Variants in XPO7 observed in about 807,000 individuals in gnomAD.
The protein encoded by XPO7 is exportin-7.
XPO7 carries 21 observed loss-of-function variants against 144.3 expected under a neutral mutation model. The observed-to-expected ratio is 0.15, with a 90% CI of 0.10 to 0.21. The LOEUF is 0.21. Ranked by LOEUF, XPO7 falls within the 10% of genes least tolerant of loss-of-function variation. The pLI is 1.00. For synonymous variants in XPO7, 580 were observed against 499.6 expected, an observed-to-expected ratio of 1.16 and a Z score of -2.15; for missense variants, 808 against 1,325.8, an observed-to-expected ratio of 0.61 and a Z score of 6.06.
intron 11 of XPO7, among the ~76,000 whole-genome samples, chr8:21,983,521 G>C (rs1812472177): frequency 6.6e-6 from 1 of 152,154 alleles, no homozygotes; most frequent in Non-Finnish European, 1.5e-5. Flanking sequence ...ATGAGTTATA[G>C]TCTTAACTGT....
chr8:21,961,412 C>G (rs530660048), intron 1 of XPO7, among the ~76,000 whole-genome samples: 1 of 151,880 alleles, frequency 6.6e-6, no homozygotes, highest in Non-Finnish European at 1.5e-5. Flanking sequence ...GGCGGAGTCT[C>G]CCTATATTGC....
intron 25 of XPO7, 34 bp from the exon 26 acceptor site, chr8:22,003,185 G>T: frequency 1.3e-6 from 2 of 1,549,180 alleles, no homozygotes; most frequent in Non-Finnish European, 1.8e-6. Flanking sequence ...CAATACATTA[G>T]GTCACTGCCT....
At chr8:21,948,539 C>T (rs978832270) in intron 1 of XPO7, among the ~76,000 whole-genome samples, 22 of 152,194 alleles carry the variant, frequency 1.4e-4, no homozygotes, top group Middle Eastern at 3.4e-3. Context: ...CCATCGATAA[C>T]GCAAGGCATG....
intron 1 of XPO7, among the ~76,000 whole-genome samples, chr8:21,950,003 G>A (rs1359776625): frequency 6.6e-6 from 1 of 152,234 alleles, no homozygotes; most frequent in Non-Finnish European, 1.5e-5. Context: ...GGGATTACAG[G>A]TGTGACACAC....
chr8:21,979,246 T>C (rs756160499), intron 8 of XPO7, among the ~76,000 whole-genome samples: 22 of 151,796 alleles, frequency 1.4e-4, no homozygotes, highest in Non-Finnish European at 2.6e-4. Context: ...GGTTTCTCCA[T>C]GTTGGTCAGG....
At chr8:21,979,463 A>C (rs906353998) in intron 8 of XPO7, among the ~76,000 whole-genome samples, 3 of 142,226 alleles carry the variant, frequency 2.1e-5, no homozygotes, top group Non-Finnish European at 4.5e-5. Context: ...GCTGGAGTGC[A>C]GTGGCGCGAT....
At position 21,919,745 on chromosome 8, in the gene XPO7, C is replaced by T. The variant is rs1810198921; in HGVS notation, c.-26C>T. ...GGTGCGCGCTGGGGGGGAGGGGGGGCCGGAGAGGAGCATGAATGGAGCAAA... is the reference window on the plus strand; with the variant it reads ...GGTGCGCGCTGGGGGGGAGGGGGGGTCGGAGAGGAGCATGAATGGAGCAAA... On this transcript the variant is annotated 5_prime_UTR_variant, in exon 1 of 28. Transcript: ENST00000252512. 2 of 478,238 alleles carry T rather than the reference C, an allele frequency of 4.2e-6. No homozygotes were observed. Among genetic ancestry groups the T allele is most frequent in the Non-Finnish European group, 5.9e-6 (2 of 339,466 alleles). 29.6% of individuals were successfully genotyped at this position (478,238 alleles called of 1,614,324 possible). A position where few individuals can be genotyped will look rare whatever the true frequency, so the allele number is the denominator to read the frequency against.
intron 20 of XPO7, among the ~76,000 whole-genome samples, chr8:21,995,067 T>A (rs1812900965): frequency 3.1e-5 from 3 of 97,080 alleles, no homozygotes; most frequent in Non-Finnish European, 3.8e-5. Flanking sequence ...AAAAAATAAA[T>A]AATAATAATA....
chr8:21,995,346 TAGAA>T, intron 20 of XPO7, 142 bp from the exon 21 acceptor site: 6 of 646,568 alleles, frequency 9.3e-6, no homozygotes, highest in Non-Finnish European at 1.1e-5. Flanking sequence ...ATCTTCTGGT[TAGAA>T]AGACTCCAAG....
intron 1 of XPO7, among the ~76,000 whole-genome samples, chr8:21,944,854 T>A (rs572424149): frequency 1.2e-3 from 186 of 152,340 alleles, no homozygotes; most frequent in African/African-American, 4.1e-3. Context: ...ACAAAGCACA[T>A]CTTGCACCGC....
chr8:21,986,528 C>T (rs1240635486), intron 13 of XPO7, among the ~76,000 whole-genome samples: 2 of 152,112 alleles, frequency 1.3e-5, no homozygotes, highest in Non-Finnish European at 2.9e-5. Flanking sequence ...GCCCATTTGC[C>T]CAGAGGTCCC....
At chr8:21,972,364 A>G (rs1007962543) in intron 5 of XPO7, among the ~76,000 whole-genome samples, 5 of 152,278 alleles carry the variant, frequency 3.3e-5, no homozygotes, top group Admixed American at 3.3e-4. Context: ...CTGTAGTCCC[A>G]GCGACTTGGG....
At chr8:21,973,915 G>A (rs1812144248) in intron 5 of XPO7, among the ~76,000 whole-genome samples, 1 of 152,320 alleles carries the variant, frequency 6.6e-6, no homozygotes, top group African/African-American at 2.4e-5. Context: ...CACTTCTGGG[G>A]TATAGAGAAT....
chr8:21,977,721 CA>C, intron 7 of XPO7, 48 bp from the exon 8 acceptor site: 1 of 1,564,314 alleles, frequency 6.4e-7, no homozygotes, highest in Non-Finnish European at 8.8e-7. Flanking sequence ...ATGCCAGCGG[CA>C]ATGTTCATAC....
At chr8:21,920,014 G>C (rs547444654) in intron 1 of XPO7, among the ~76,000 whole-genome samples, 86 of 151,054 alleles carry the variant, frequency 5.7e-4, no homozygotes, top group African/African-American at 2.0e-3. Flanking sequence ...CCTCGCGCGC[G>C]GGGCTGCAGG....
At chr8:21,977,011 C>G (rs992469289) in intron 7 of XPO7, among the ~76,000 whole-genome samples, 1 of 152,142 alleles carries the variant, frequency 6.6e-6, no homozygotes, top group Non-Finnish European at 1.5e-5. Context: ...TCTCATAGAT[C>G]CCCCAGTGTC....
chr8:21,946,574 G>GAAAAAAAA (rs375503342), intron 1 of XPO7, among the ~76,000 whole-genome samples: 1 of 89,052 alleles, frequency 1.1e-5, no homozygotes, highest in Admixed American at 1.4e-4. Context: ...TTCTAGAACT[G>GAAAAAAAA]AAAAAAAAAA....
chr8:21,978,697 A>G (rs943667839), intron 8 of XPO7, among the ~76,000 whole-genome samples: 4 of 152,184 alleles, frequency 2.6e-5, no homozygotes, highest in Non-Finnish European at 4.4e-5. Context: ...AGTAGTGGGG[A>G]GCCTCAAAGG....
chr8:21,942,035 G>T (rs2117269525), intron 1 of XPO7, among the ~76,000 whole-genome samples: 1 of 152,344 alleles, frequency 6.6e-6, no homozygotes, highest in East Asian at 1.9e-4. Context: ...TAACATCAGG[G>T]AGGGGAGGGT....
Sources: allele counts gnomAD v4.1 joint callset (sites outside exome capture counted in the v4.1 genomes callset), GRCh38; gene constraint gnomAD v4.1.1; transcripts MANE v1.5; gene names NCBI Gene and HGNC (gene_info 2026-07-23, HGNC 2026-07-21).